The following CCDC178 variants were observed in gnomAD, a reference collection of about 807,000 sequenced individuals.
CCDC178 encodes the protein coiled-coil domain-containing protein 178.
Under a neutral mutation model 117.4 loss-of-function variants are expected in CCDC178, and 126 were observed. The ratio of observed to expected loss-of-function variants is 1.07; its 90% CI spans 0.93 to 1.24. CCDC178 has a LOEUF of 1.24. Among genes scored for constraint, CCDC178 ranks in the 50% most tolerant of loss-of-function variants. CCDC178 has a pLI of 0.00. For missense variants in CCDC178, 1,030 were observed against 986.9 expected, an observed-to-expected ratio of 1.04 and a Z score of -0.59; for synonymous variants, 283 against 313.4, an observed-to-expected ratio of 0.90 and a Z score of 1.02.
chr18:33,089,149 T>C (rs1354823120), intron 21 of CCDC178, among the ~76,000 whole-genome samples: 1 of 152,054 alleles, frequency 6.6e-6, no homozygotes, highest in East Asian at 1.9e-4. Flanking sequence ...AACTAGTGAA[T>C]CAAATAATCT....
intron 12 of CCDC178, among the ~76,000 whole-genome samples, chr18:33,284,868 G>C (rs2060077877): frequency 6.6e-6 from 1 of 151,558 alleles, no homozygotes; most frequent in Non-Finnish European, 1.5e-5. Flanking sequence ...TTTCCACAAA[G>C]AATATCAGGA....
At chr18:33,087,448 G>A (rs2057395618) in intron 21 of CCDC178, among the ~76,000 whole-genome samples, 1 of 152,098 alleles carries the variant, frequency 6.6e-6, no homozygotes, top group Non-Finnish European at 1.5e-5. Flanking sequence ...TCAGAGAAAT[G>A]GGACAGTATA....
At chr18:32,977,681 G>C (rs1031599801) in intron 21 of CCDC178, among the ~76,000 whole-genome samples, 20 of 152,128 alleles carry the variant, frequency 1.3e-4, no homozygotes, top group Non-Finnish European at 2.9e-5. Context: ...AGTGGAATCA[G>C]ATATCTCAGT....
rs1190315769 is a variant in CCDC178 at position 33,215,572 on chromosome 18, C to A, written c.2056G>T (p.Asp686Tyr). 6.9e-7 allele frequency: 1 copy of A among 1,452,976 alleles called. No homozygotes were observed. Among genetic ancestry groups the A allele is most frequent in the Admixed American group, 2.7e-5 (1 of 37,094 alleles). The allele number at this position is 1,452,976 out of a possible 1,614,324, so 90.0% of individuals were successfully genotyped here. ...KAKEEEKKSF[D>Y]QTLEILKNKF... ...TACTTTAATATTTCAAGTGTCTGATCAAAACTTTTCTTTTCTTCTTCTTTT... is the reference window on the plus strand; with the variant it reads ...TACTTTAATATTTCAAGTGTCTGATAAAAACTTTTCTTTTCTTCTTCTTTT... Residue 686 changes from aspartate (D) to tyrosine (Y), a missense_variant, in exon 19 of 23, where the codon GAT becomes TAT. By Grantham distance (160) the Asp-to-Tyr change is radical (BLOSUM62 -3). Transcript: ENST00000383096.
intron 5 of CCDC178, among the ~76,000 whole-genome samples, chr18:33,382,137 A>T (rs1167721168): frequency 1.3e-5 from 2 of 152,230 alleles, no homozygotes; most frequent in East Asian, 3.9e-4. Context: ...ATTTAATCTC[A>T]TAAAATTGAA....
chr18:33,171,074 C>T (rs1483688827), intron 20 of CCDC178, among the ~76,000 whole-genome samples: 1 of 152,086 alleles, frequency 6.6e-6, no homozygotes, highest in Non-Finnish European at 1.5e-5. Context: ...CCTACTCCAT[C>T]CTGAGACAGG....
chr18:33,413,196 C>T (rs182582202), intron 2 of CCDC178, among the ~76,000 whole-genome samples: 2 of 152,092 alleles, frequency 1.3e-5, no homozygotes, highest in African/African-American at 4.8e-5. Context: ...GTCAGAAAAT[C>T]TTGACTGAAA....
chr18:33,282,142 G>A (rs928654840), intron 12 of CCDC178, among the ~76,000 whole-genome samples: 38 of 152,280 alleles, frequency 2.5e-4, no homozygotes, highest in South Asian at 2.1e-4. Context: ...CAACAGTTCC[G>A]GAGGAATAGG....
At chr18:33,120,743 T>A (rs1280824324) in intron 20 of CCDC178, among the ~76,000 whole-genome samples, 1 of 152,196 alleles carries the variant, frequency 6.6e-6, no homozygotes, top group African/African-American at 2.4e-5. Context: ...AATATGTTTA[T>A]ACATACAATA....
rs34977807 is a variant in CCDC178, at chr18:33,084,810, C to CAA, written c.2388+7949_2388+7950dup. ...TGGGCAACAGTGCGAGGCCCCGTCTCAAAAAAAAAAAAAAGAAAGAAAGAT... is the reference window on the plus strand; with the variant it reads ...TGGGCAACAGTGCGAGGCCCCGTCTCAAAAAAAAAAAAAAAAGAAAGAAAGAT... On this transcript the variant is annotated intron_variant, in intron 21 of 22. Transcript: ENST00000383096. Among the ~76,000 whole-genome samples the CAA allele has an allele frequency of 6.7e-3, 843 of 125,740 alleles. 4 individuals are homozygous for CAA. Among genetic ancestry groups the CAA allele is most frequent in the Non-Finnish European group, 8.0e-3 (464 of 58,002 alleles). 82.5% of individuals were successfully genotyped at this position (125,740 alleles called of 152,430 possible).
chr18:33,370,859 C>A (rs1352846729), intron 5 of CCDC178, among the ~76,000 whole-genome samples: 8 of 152,008 alleles, frequency 5.3e-5, no homozygotes. Flanking sequence ...TGTCCCAAAT[C>A]GACTGAAGGT....
chr18:33,087,570 G>C (rs1214965419), intron 21 of CCDC178, among the ~76,000 whole-genome samples: 1 of 91,784 alleles, frequency 1.1e-5, no homozygotes, highest in Non-Finnish European at 2.4e-5. Flanking sequence ...AGCCATTTGT[G>C]TGTGTGTGTG....
At chr18:32,980,379 C>G (rs1385604934) in intron 21 of CCDC178, among the ~76,000 whole-genome samples, 2 of 151,240 alleles carry the variant, frequency 1.3e-5, no homozygotes, top group Non-Finnish European at 3.0e-5. Context: ...GTCAGGAGAT[C>G]GAGACCACGG....
chr18:33,097,176 T>C (rs2057555827), intron 20 of CCDC178, among the ~76,000 whole-genome samples: 1 of 152,080 alleles, frequency 6.6e-6, no homozygotes, highest in African/African-American at 2.4e-5. Context: ...CTGGCTTATA[T>C]AATAGAAAGC....
intron 21 of CCDC178, among the ~76,000 whole-genome samples, chr18:33,079,969 T>C (rs552845187): frequency 3.7e-4 from 56 of 152,280 alleles, no homozygotes; most frequent in African/African-American, 9.1e-4. Flanking sequence ...TAAAGACATA[T>C]GTAAGTGAAT....
At chr18:33,027,485 A>G (rs1004276874) in intron 21 of CCDC178, among the ~76,000 whole-genome samples, 12 of 151,790 alleles carry the variant, frequency 7.9e-5, no homozygotes, top group African/African-American at 2.9e-4. Context: ...ACTCCCTGCC[A>G]CATACAAAAA....
In CCDC178 at chr18:33,316,458, C is replaced by T. The variant is rs551002926; in HGVS notation, c.1022+7033G>A. On this transcript the variant is annotated intron_variant, in intron 11 of 22. Transcript: ENST00000383096. ...TGCAGCCTGCCATGCCTGAGCCCCC[C>T]GCACCCCTCCCCCCACACGCCGTGG... is the stretch of plus-strand genomic sequence containing the variant. Among the ~76,000 whole-genome samples, 3 of 152,168 alleles carry T rather than the reference C, an allele frequency of 2.0e-5. No individual in the cohort carries two copies. The East Asian group carries it at 5.8e-4, about 30-fold the overall frequency.
At chr18:33,278,237 ATATATATATATATC>A (rs58097462) in intron 12 of CCDC178, among the ~76,000 whole-genome samples, 10,069 of 146,778 alleles carry the variant, frequency 0.069, 551 homozygotes, top group African/African-American at 0.14. Flanking sequence ...ATACATATAT[ATATATATATATATC>A]TATATACATA....
chr18:32,955,034 A>G (rs2054566085), intron 22 of CCDC178, among the ~76,000 whole-genome samples: 1 of 152,188 alleles, frequency 6.6e-6, no homozygotes, highest in Admixed American at 6.5e-5. Context: ...AGTTCCTGCA[A>G]GAGCACCTTA....
Sources: allele counts gnomAD v4.1 joint callset (sites outside exome capture counted in the v4.1 genomes callset), GRCh38; gene constraint gnomAD v4.1.1; transcripts MANE v1.5; gene names NCBI Gene and HGNC (gene_info 2026-07-23, HGNC 2026-07-21).